The following CFH variants were observed in gnomAD, a reference collection of about 807,000 sequenced individuals.
CFH encodes the protein H factor 1 (complement).
In CFH, 53 loss-of-function variants were observed where a neutral mutation model predicts 147.3. That is an observed-to-expected ratio of 0.36 (90% CI 0.29 to 0.45). The LOEUF is 0.45. Among genes scored for constraint, CFH ranks in the 20% least tolerant of loss-of-function variants. The pLI, the probability that CFH is intolerant of heterozygous loss-of-function variation, is 1.00. For synonymous variants in CFH, 536 were observed against 489.4 expected (o/e 1.10, Z -1.26); for missense variants, 1,380 against 1,498.0 (o/e 0.92, Z 1.30).
At position 196,747,174 on chromosome 1, in the gene CFH, A is replaced by C. The variant is rs1347834718; in HGVS notation, c.3557A>C (p.Lys1186Thr). Residue 1186 changes from lysine (K) to threonine (T), a missense_variant, in exon 22 of 22, where the codon AAA (lysine) becomes ACA (threonine). Physicochemically the swap from Lys to Thr is moderately conservative, Grantham distance 78 (BLOSUM62 -1). This residue lies in a region of CFH where 123 missense variants were observed against 185.3 expected (regional missense o/e 0.66). Transcript: ENST00000367429. ...AACATAGCATTAAGGTGGACAGCCAAACAGAAGCTTTATTCGAGAACAGGT... is the reference window on the plus strand; with the variant it reads ...AACATAGCATTAAGGTGGACAGCCACACAGAAGCTTTATTCGAGAACAGGT... ...NYNIALRWTA[K>T]QKLYSRTGES... 2.5e-6 allele frequency: 4 copies of C among 1,613,782 alleles called. No homozygotes were observed. The highest frequency in any genetic ancestry group is 1.7e-5 in the Admixed American group (1 of 59,988).
intron 5 of CFH, chr1:196,678,884 G>A (rs998072626): frequency 1.3e-5 from 2 of 151,950 alleles, no homozygotes; most frequent in African/African-American, 4.8e-5. Context: ...ATAGAAGGTG[G>A]GCCAATACAT....
intron 11 of CFH, among the ~76,000 whole-genome samples, chr1:196,718,786 G>A (rs1668931056): frequency 6.6e-6 from 1 of 152,038 alleles, no homozygotes; most frequent in Non-Finnish European, 1.5e-5. Context: ...CATAGCAGTA[G>A]AAGCTGATGT....
Position 196,652,071 on chromosome 1 carries a change from T to C in CFH, c.-47T>C, listed in dbSNP as rs200136787. 3.5e-5 allele frequency: 47 copies of C among 1,329,382 alleles called. No homozygotes were observed. The highest frequency in any genetic ancestry group is 1.4e-4 in the South Asian group (12 of 85,028). The allele number at this position is 1,329,382 out of a possible 1,614,324, so 82.3% of individuals were successfully genotyped here. A position where few individuals can be genotyped will look rare whatever the true frequency, so the allele number is the denominator to read the frequency against. On this transcript the variant is annotated 5_prime_UTR_variant, in exon 1 of 22. Coordinates refer to ENST00000367429, the MANE Select transcript of CFH (RefSeq NM_000186.4). ...ATTCTTGGAAGAGGAGAACTGGACG[T>C]TGTGAACAGAGTTAGCTGGTAAATG...
At chr1:196,702,537 AAACAT>A (rs760307002) in intron 9 of CFH, among the ~76,000 whole-genome samples, 3 of 33,984 alleles carry the variant, frequency 8.8e-5, no homozygotes, top group Non-Finnish European at 2.6e-4. Flanking sequence ...AAAAAAAAAA[AAACAT>A]CCAAAGCATA....
intron 5 of CFH, chr1:196,678,016 T>C (rs1432456599): frequency 6.5e-6 from 2 of 306,120 alleles, no homozygotes; most frequent in Non-Finnish European, 1.3e-5. Flanking sequence ...TCCATTGTAG[T>C]TGTCTCTTAG....
intron 9 of CFH, among the ~76,000 whole-genome samples, chr1:196,693,393 G>T (rs1000046486): frequency 6.6e-6 from 1 of 152,124 alleles, no homozygotes; most frequent in Non-Finnish European, 1.5e-5. Flanking sequence ...GATAGACAGA[G>T]TAGTCTCTAC....
chr1:196,714,654 TATATATATATATATAGAGAGAGAG>T (rs1345398705), intron 10 of CFH, among the ~76,000 whole-genome samples: 4 of 50,040 alleles, frequency 8.0e-5, no homozygotes, highest in Non-Finnish European at 1.5e-4. Flanking sequence ...TATATATATA[TATATATATATATATAGAGAGAGAG>T]AGAGAGAGAG....
intron 11 of CFH, among the ~76,000 whole-genome samples, chr1:196,716,829 AC>A (rs1442374333): frequency 7.2e-5 from 11 of 152,122 alleles, no homozygotes; most frequent in African/African-American, 2.7e-4. Context: ...GGGCTTTGCA[AC>A]TTTTGACTTG....
chr1:196,688,269 T>G (rs1667896034), intron 7 of CFH, among the ~76,000 whole-genome samples: 1 of 152,030 alleles, frequency 6.6e-6, no homozygotes, highest in South Asian at 2.1e-4. Context: ...AAGATAGCAC[T>G]CAAATGTATT....
At chr1:196,716,683 C>T (rs1245399343) in intron 11 of CFH, among the ~76,000 whole-genome samples, 4 of 151,944 alleles carry the variant, frequency 2.6e-5, no homozygotes, top group African/African-American at 9.7e-5. Context: ...GGTGATGTTA[C>T]TAAATGTTGG....
chr1:196,697,183 C>A (rs980816092), intron 9 of CFH, among the ~76,000 whole-genome samples: 22 of 152,256 alleles, frequency 1.4e-4, no homozygotes, highest in Non-Finnish European at 3.2e-4. Context: ...AGAGCTTCTG[C>A]ACAGCAAAAG....
rs1354183687 is a variant in CFH at position 196,677,678 on chromosome 1, C to A, written c.619+11C>A. 1 of 1,610,614 alleles carries A rather than the reference C, an allele frequency of 6.2e-7. No homozygotes were observed. Among genetic ancestry groups the A allele is most frequent in the South Asian group, 1.1e-5 (1 of 90,978 alleles). The stretch of plus-strand genomic sequence containing the variant: ...AACCAAAGTGTGTGGGTAAGATACA[C>A]TTACTGTTTTAGTATTTTTAGCTTT... On this transcript the variant is annotated intron_variant, in intron 5 of 21. Transcript: ENST00000367429.
In CFH at chr1:196,673,924, T is replaced by G; in HGVS notation, c.312T>G (p.Phe104Leu). 1 of 1,613,516 alleles carries G rather than the reference T, an allele frequency of 6.2e-7. No homozygotes were observed. The highest frequency in any genetic ancestry group is 8.5e-7 in the Non-Finnish European group (1 of 1,179,552). ...TTACCCTTACAGGAGGAAATGTGTT[T>G]GAATATGGTGTAAAAGCTGTGTATA... The part of the protein sequence containing the change: ...GTFTLTGGNV[F>L]EYGVKAVYTC... Residue 104 changes from phenylalanine (F) to leucine (L), a missense_variant, in exon 3 of 22, where the codon TTT becomes TTG. Coordinates refer to ENST00000367429, the MANE Select transcript of CFH (RefSeq NM_000186.4).
rs138648161 is a variant in CFH at position 196,720,388 on chromosome 1, C to T, written c.1696+4619C>T. Among the ~76,000 whole-genome samples, 773 of 151,988 alleles carry T rather than the reference C, an allele frequency of 5.1e-3. 7 individuals carry two copies. The highest frequency in any genetic ancestry group is 0.018 in the African/African-American group (743 of 41,530). On this transcript the variant is annotated intron_variant, in intron 11 of 21. Coordinates refer to ENST00000367429, the MANE Select transcript of CFH (RefSeq NM_000186.4). ...TTTTAGTGTATTCATCACCCAAATACTGAACATTGCACCCATTAGGTAATT... is the reference window on the plus strand; with the variant it reads ...TTTTAGTGTATTCATCACCCAAATATTGAACATTGCACCCATTAGGTAATT...
Position 196,728,052 on chromosome 1 carries a change from G to A in CFH, c.2237-294G>A, listed in dbSNP as rs142438545. Among the ~76,000 whole-genome samples, 333 of 152,130 alleles carry A rather than the reference G, an allele frequency of 2.2e-3. 4 individuals carry two copies. The highest frequency in any genetic ancestry group is 7.5e-3 in the African/African-American group (310 of 41,506). The stretch of plus-strand genomic sequence containing the variant: ...GGTCCTGAATTCTAAGAGTCCTAAT[G>A]TCCAATCATACTTATTTATCCAATG... On this transcript the variant is annotated intron_variant, in intron 14 of 21. Coordinates refer to ENST00000367429, the MANE Select transcript of CFH (RefSeq NM_000186.4).
At chr1:196,690,378 T>G in intron 9 of CFH, 139 bp downstream of exon 9, 1 of 1,209,414 alleles carries the variant, frequency 8.3e-7, no homozygotes, top group Non-Finnish European at 1.2e-6. Flanking sequence ...TAGTTTTTGG[T>G]TTTTCAACTG....
At chr1:196,679,896 T>C in intron 6 of CFH, 103 bp downstream of exon 6, 1 of 1,051,120 alleles carries the variant, frequency 9.5e-7, no homozygotes, top group Non-Finnish European at 1.4e-6. Flanking sequence ...AGTGCTAATT[T>C]ATGTAAATAA....
At chr1:196,664,924 T>C (rs1667030415) in intron 1 of CFH, among the ~76,000 whole-genome samples, 1 of 152,012 alleles carries the variant, frequency 6.6e-6, no homozygotes, top group Non-Finnish European at 1.5e-5. Flanking sequence ...TATTGCTAAG[T>C]TGCTTTTTAG....
intron 9 of CFH, among the ~76,000 whole-genome samples, chr1:196,703,279 T>G (rs551035018): frequency 6.6e-6 from 1 of 152,258 alleles, no homozygotes; most frequent in Admixed American, 6.5e-5. Context: ...GACATCCCAT[T>G]GCAGGTCCCA....
Sources: allele counts gnomAD v4.1 joint callset (sites outside exome capture counted in the v4.1 genomes callset), GRCh38; gene constraint gnomAD v4.1.1; regional missense constraint gnomAD v4.1.1; transcripts MANE v1.5; gene names NCBI Gene and HGNC (gene_info 2026-07-23, HGNC 2026-07-21).